Variants in ANO2 observed in about 807,000 individuals in gnomAD.
ANO2 encodes anoctamin-2.
ANO2 carries 101 observed loss-of-function variants against 124.2 expected under a neutral mutation model. The observed-to-expected ratio is 0.81, with a 90% CI of 0.69 to 0.96. The LOEUF (loss-of-function observed/expected upper bound fraction) is 0.96, where lower values mean the gene tolerates loss of function less well. Among genes scored for constraint, ANO2 ranks in the 40% least tolerant of loss-of-function variants. ANO2 has a pLI of 0.00. For missense variants in ANO2, 1,293 were observed against 1,274.5 expected (o/e 1.01, Z -0.22); for synonymous variants, 486 against 482.5 (o/e 1.01, Z -0.09).
intron 9 of ANO2, among the ~76,000 whole-genome samples, chr12:5,802,671 C>A (rs747276149): frequency 6.6e-6 from 1 of 152,198 alleles, no homozygotes; most frequent in Non-Finnish European, 1.5e-5. Flanking sequence ...AGCACAGACA[C>A]GTAACAATCC....
At chr12:5,839,144 G>A (rs915410890) in intron 4 of ANO2, among the ~76,000 whole-genome samples, 9 of 152,194 alleles carry the variant, frequency 5.9e-5, no homozygotes, top group South Asian at 2.1e-4. Flanking sequence ...AGTCCAGCTC[G>A]CTGCCTTGGG....
chr12:5,726,664 A>G lies in ANO2; in HGVS notation c.1545+5856T>C, dbSNP rs1476817041. ...TAATACCTGTAAAGCTTTGCACATT[A>G]CATACAATAAGCACTCCATAAATGT... is the stretch of plus-strand genomic sequence containing the variant. On this transcript the variant is annotated intron_variant, in intron 14 of 24. Coordinates refer to ENST00000682330, the MANE Select transcript of ANO2 (RefSeq NM_001364791.2). Among the ~76,000 whole-genome samples the G allele has an allele frequency of 1.1e-4, 16 of 152,232 alleles. 1 individual carries two copies. The highest frequency in any genetic ancestry group is 9.2e-4 in the Admixed American group (14 of 15,280).
chr12:5,729,946 T>C (rs922574308), intron 14 of ANO2, among the ~76,000 whole-genome samples: 2 of 152,190 alleles, frequency 1.3e-5, no homozygotes, highest in African/African-American at 2.4e-5. Flanking sequence ...AAGTCCAGAA[T>C]AGGCAAATCT....
At chr12:5,669,310 T>C (rs1417837352) in intron 14 of ANO2, among the ~76,000 whole-genome samples, 1 of 152,016 alleles carries the variant, frequency 6.6e-6, no homozygotes, top group African/African-American at 2.4e-5. Context: ...CAATCGTGAA[T>C]GGGAGTTCAT....
At chr12:5,737,651 A>G (rs1239686461) in intron 13 of ANO2, among the ~76,000 whole-genome samples, 1 of 151,868 alleles carries the variant, frequency 6.6e-6, no homozygotes, top group East Asian at 1.9e-4. Flanking sequence ...TAGGCACTCT[A>G]CCCTACCCAC....
chr12:5,777,115 G>C (rs1163493833), intron 10 of ANO2, among the ~76,000 whole-genome samples: 1 of 152,194 alleles, frequency 6.6e-6, no homozygotes, highest in Non-Finnish European at 1.5e-5. Flanking sequence ...ATTAAATGTG[G>C]AAACTGATAT....
chr12:5,743,084 C>T (rs966896473), intron 12 of ANO2, among the ~76,000 whole-genome samples: 4 of 152,048 alleles, frequency 2.6e-5, no homozygotes, highest in Non-Finnish European at 5.9e-5. Context: ...TGTCTCCACC[C>T]AAGTGAAGGT....
Position 5,658,448 on chromosome 12 carries a change from TCAA to T in ANO2, c.1546-10650_1546-10648del, listed in dbSNP as rs548569825. On this transcript the variant is annotated intron_variant, in intron 14 of 24. Transcript: ENST00000682330. The surrounding 1 kb of genome is among the most constrained non-coding windows in gnomAD (Gnocchi z 4.3). ...CATACCATCAAAATTAACATAATCA[TCAA>T]CATCATCATCATATCATCACTATCA... is the stretch of plus-strand genomic sequence containing the variant. 7.7e-3 allele frequency among the ~76,000 whole-genome samples: 725 copies of T among 94,066 alleles called. 5 individuals are homozygous for T. The highest frequency in any genetic ancestry group is 0.038 in the Middle Eastern group (7 of 186). The allele number at this position is 94,066 out of a possible 152,430, so 61.7% of individuals were successfully genotyped here.
At chr12:5,854,418 A>AC (rs1331655407) in intron 3 of ANO2, among the ~76,000 whole-genome samples, 10 of 151,444 alleles carry the variant, frequency 6.6e-5, no homozygotes, top group South Asian at 2.1e-4. Flanking sequence ...AAAAAAAAAA[A>AC]AACAAGTTAA....
intron 14 of ANO2, among the ~76,000 whole-genome samples, chr12:5,651,091 A>T (rs1353302768): frequency 6.6e-6 from 1 of 152,254 alleles, no homozygotes; most frequent in Non-Finnish European, 1.5e-5. Flanking sequence ...AGGTCTAACC[A>T]GCTTCATGAT....
intron 10 of ANO2, among the ~76,000 whole-genome samples, chr12:5,765,342 G>A (rs1260672374): frequency 6.6e-6 from 1 of 152,060 alleles, no homozygotes; most frequent in Admixed American, 6.5e-5. Context: ...GGTGACTTGT[G>A]GGAAAATGAG....
intron 14 of ANO2, among the ~76,000 whole-genome samples, chr12:5,649,349 A>G (rs1946799890): frequency 6.6e-6 from 1 of 152,230 alleles, no homozygotes; most frequent in Admixed American, 6.5e-5. Context: ...TCAGGTTTGC[A>G]CAGACTTAGT....
intron 4 of ANO2, among the ~76,000 whole-genome samples, chr12:5,848,368 C>A (rs1258241324): frequency 2.6e-5 from 4 of 151,666 alleles, no homozygotes; most frequent in African/African-American, 7.2e-5. Flanking sequence ...TCCCCCCCTC[C>A]CCAGTTACAT....
intron 15 of ANO2, among the ~76,000 whole-genome samples, chr12:5,640,465 T>G (rs1411108143): frequency 6.6e-6 from 1 of 152,170 alleles, no homozygotes; most frequent in African/African-American, 2.4e-5. Flanking sequence ...GAGGAAATTT[T>G]TGCAATCTGC....
intron 13 of ANO2, among the ~76,000 whole-genome samples, chr12:5,736,682 G>T (rs1257868509): frequency 3.3e-5 from 5 of 152,032 alleles, no homozygotes; most frequent in Non-Finnish European, 1.5e-5. Context: ...CCTTCCCATG[G>T]CCTGGGAGAT....
At chr12:5,882,833 G>A (rs1388575459) in intron 3 of ANO2, among the ~76,000 whole-genome samples, 2 of 152,220 alleles carry the variant, frequency 1.3e-5, no homozygotes, top group African/African-American at 4.8e-5. Context: ...TGGGGCCAGA[G>A]GGCATTGCAT....
intron 3 of ANO2, among the ~76,000 whole-genome samples, chr12:5,888,326 C>A (rs1939109965): frequency 1.3e-5 from 2 of 152,068 alleles, no homozygotes; most frequent in Admixed American, 1.3e-4. Flanking sequence ...CAGTGTGGAC[C>A]CAAAGAGTGA....
At chr12:5,785,521 C>T (rs569228516) in intron 10 of ANO2, among the ~76,000 whole-genome samples, 1 of 152,300 alleles carries the variant, frequency 6.6e-6, no homozygotes, top group East Asian at 1.9e-4. Context: ...TCATCACTCA[C>T]TGTCCACCTG....
intron 1 of ANO2, among the ~76,000 whole-genome samples, chr12:5,929,936 G>T (rs185074918): frequency 7.3e-6 from 1 of 136,628 alleles, no homozygotes; most frequent in Non-Finnish European, 1.6e-5. Flanking sequence ...TTCCTCTCTC[G>T]TCTGCCTTCT....
Sources: allele counts gnomAD v4.1 joint callset (sites outside exome capture counted in the v4.1 genomes callset), GRCh38; gene constraint gnomAD v4.1.1; non-coding constraint Gnocchi (gnomAD v3.1); transcripts MANE v1.5; gene names NCBI Gene and HGNC (gene_info 2026-07-23, HGNC 2026-07-21).